Variants in ADGRB3 observed in about 807,000 individuals in gnomAD.
ADGRB3 encodes the protein brain-specific angiogenesis inhibitor 3.
In ADGRB3, 37 loss-of-function variants were observed where a neutral mutation model predicts 193.4. The observed-to-expected ratio is 0.19, with a 90% CI of 0.15 to 0.25. The LOEUF is 0.25. Among genes scored for constraint, ADGRB3 ranks in the 10% least tolerant of loss-of-function variants. The probability of loss-of-function intolerance (pLI) is 1.00; values close to 1 mark genes in which losing one functional copy is unlikely to be tolerated. For missense variants in ADGRB3, 1,637 were observed against 1,852.9 expected (o/e 0.88, Z 2.14); for synonymous variants, 690 against 644.2 (o/e 1.07, Z -1.08).
chr6:69,241,273 T>A (rs1379902765), intron 20 of ADGRB3, among the ~76,000 whole-genome samples: 2 of 151,896 alleles, frequency 1.3e-5, no homozygotes, highest in East Asian at 3.8e-4. Flanking sequence ...TAAAAAAATT[T>A]AAAAACCCGA....
chr6:69,334,408 C>A (rs771673034), intron 24 of ADGRB3, among the ~76,000 whole-genome samples: 34 of 152,086 alleles, frequency 2.2e-4, no homozygotes, highest in Non-Finnish European at 4.0e-4. Context: ...AATTTGATAT[C>A]ATTTATGTAA....
chr6:69,275,009 T>C (rs1767271318), intron 20 of ADGRB3, among the ~76,000 whole-genome samples: 1 of 152,132 alleles, frequency 6.6e-6, no homozygotes, highest in South Asian at 2.1e-4. Flanking sequence ...TAGAGGAGAA[T>C]TGTTTGGCCC....
At chr6:68,638,163 C>T (rs1181833327) in intron 2 of ADGRB3, among the ~76,000 whole-genome samples, 2 of 152,082 alleles carry the variant, frequency 1.3e-5, no homozygotes, top group Non-Finnish European at 1.5e-5. Context: ...TTACTTTTCA[C>T]GTTTAAGAGG....
At chr6:69,076,070 G>A in intron 17 of ADGRB3, 32 bp downstream of exon 17, 2 of 1,600,680 alleles carry the variant, frequency 1.2e-6, no homozygotes, top group Non-Finnish European at 1.7e-6. Context: ...ACATTACTTT[G>A]GGCTAAATTT....
intron 17 of ADGRB3, among the ~76,000 whole-genome samples, chr6:69,185,128 G>T (rs572529506): frequency 6.6e-6 from 1 of 151,962 alleles, no homozygotes. Flanking sequence ...AATATCTTAC[G>T]TTTTGTAGGA....
chr6:68,859,944 A>G (rs1414880744), intron 3 of ADGRB3, among the ~76,000 whole-genome samples: 1 of 152,208 alleles, frequency 6.6e-6, no homozygotes, highest in Non-Finnish European at 1.5e-5. Flanking sequence ...GAAATATGAA[A>G]TAATTCATTT....
At chr6:68,645,516 C>T (rs1768188543) in intron 3 of ADGRB3, among the ~76,000 whole-genome samples, 1 of 152,002 alleles carries the variant, frequency 6.6e-6, no homozygotes, top group Admixed American at 6.6e-5. Context: ...ACTTTGGTCC[C>T]TAAAATGACT....
At chr6:68,909,197 G>A (rs79798924) in intron 3 of ADGRB3, among the ~76,000 whole-genome samples, 14,496 of 152,202 alleles carry the variant, frequency 0.095, 909 homozygotes, top group Non-Finnish European at 0.14. Context: ...AAACTTGGAA[G>A]ATAATGTTAC....
At chr6:68,864,753 G>T (rs512476) in intron 3 of ADGRB3, among the ~76,000 whole-genome samples, 3 of 151,878 alleles carry the variant, frequency 2.0e-5, no homozygotes, top group Non-Finnish European at 4.4e-5. Context: ...GGAGCTCCTG[G>T]GTTGAGCTAA....
At chr6:69,293,465 C>T (rs186492782) in intron 20 of ADGRB3, among the ~76,000 whole-genome samples, 3 of 152,312 alleles carry the variant, frequency 2.0e-5, no homozygotes, top group Non-Finnish European at 4.4e-5. Flanking sequence ...AATTTCACAA[C>T]GTGGCGGGTG....
intron 3 of ADGRB3, among the ~76,000 whole-genome samples, chr6:68,660,942 T>C (rs1768615618): frequency 6.6e-6 from 1 of 151,028 alleles, no homozygotes; most frequent in Non-Finnish European, 1.5e-5. Flanking sequence ...GTTTTCCTTC[T>C]TCTTAGTCTA....
intron 16 of ADGRB3, among the ~76,000 whole-genome samples, chr6:69,065,275 G>A (rs1000557515): frequency 6.6e-6 from 1 of 152,088 alleles, no homozygotes. Flanking sequence ...TGCTAGAGAA[G>A]AAAAAGTCTC....
intron 3 of ADGRB3, among the ~76,000 whole-genome samples, chr6:68,839,171 T>C (rs1768102582): frequency 6.6e-6 from 1 of 152,010 alleles, no homozygotes; most frequent in East Asian, 1.9e-4. Flanking sequence ...AAATTAGAAA[T>C]GTGGTCCTCA....
intron 3 of ADGRB3, among the ~76,000 whole-genome samples, chr6:68,733,384 T>A (rs1765810284): frequency 6.6e-6 from 1 of 151,470 alleles, no homozygotes; most frequent in East Asian, 1.9e-4. Context: ...GTAAAATAAT[T>A]CAGAAAAGTA....
chr6:68,815,604 TGTG>T (rs1469143423), intron 3 of ADGRB3, among the ~76,000 whole-genome samples: 1 of 7,538 alleles, frequency 1.3e-4, no homozygotes, highest in African/African-American at 9.7e-4. Context: ...CATCAAAAAT[TGTG>T]TGTGTGTGTG....
At chr6:69,307,378 C>T (rs1404334353) in intron 20 of ADGRB3, among the ~76,000 whole-genome samples, 1 of 151,544 alleles carries the variant, frequency 6.6e-6, no homozygotes, top group Admixed American at 6.6e-5. Context: ...TTTACGTGTT[C>T]CACATTAAAT....
rs1465588444 is a variant in ADGRB3, at chr6:68,659,073, TC to T, written c.757+19642del. ...TAATTTTCATAAGTTCTTTTGTAAC[TC>T]TCAACTTTTATTTACCTGAGAACCA... On this transcript the variant is annotated intron_variant, in intron 3 of 31. Coordinates refer to ENST00000370598, the MANE Select transcript of ADGRB3 (RefSeq NM_001704.3). Among the ~76,000 whole-genome samples the T allele has an allele frequency of 6.0e-5, 9 of 151,166 alleles. No homozygotes were observed. The East Asian group carries it at 1.8e-3, about 29-fold the overall frequency.
intron 8 of ADGRB3, among the ~76,000 whole-genome samples, chr6:68,972,162 A>T (rs921222171): frequency 6.6e-6 from 1 of 152,246 alleles, no homozygotes; most frequent in African/African-American, 2.4e-5. Flanking sequence ...ATATTGAAGG[A>T]GTTAGCCCTA....
chr6:69,010,578 A>G (rs1015113198), intron 11 of ADGRB3, among the ~76,000 whole-genome samples: 2 of 152,062 alleles, frequency 1.3e-5, no homozygotes, highest in Non-Finnish European at 2.9e-5. Flanking sequence ...TCTGCTAGGT[A>G]GCTATTATTA....
Sources: gnomAD v4.1 joint callset for allele counts (sites outside exome capture counted in the v4.1 genomes callset) on GRCh38, gnomAD v4.1.1 for gene constraint, MANE v1.5 for transcripts, NCBI Gene and HGNC (gene_info 2026-07-23, HGNC 2026-07-21) for gene names.